Variants in EYA1 observed in about 807,000 individuals in gnomAD.
EYA1 encodes protein phosphatase EYA1.
A neutral mutation model predicts 82.0 loss-of-function variants in EYA1; 16 were observed. The observed-to-expected ratio is 0.20, with a 90% CI of 0.13 to 0.30. The LOEUF is 0.30. EYA1 is among the 10% of genes least tolerant of loss of function. The probability of loss-of-function intolerance (pLI) is 1.00; values close to 1 mark genes in which losing one functional copy is unlikely to be tolerated. For synonymous variants in EYA1, 261 were observed against 264.4 expected (o/e 0.99, Z 0.12); for missense variants, 633 against 730.7 (o/e 0.87, Z 1.54).
intron 9 of EYA1, among the ~76,000 whole-genome samples, chr8:71,290,818 A>G (rs11991890): frequency 0.017 from 2,586 of 152,252 alleles, 67 homozygotes; most frequent in African/African-American, 0.057. Flanking sequence ...AAAGAAAGAA[A>G]GAAAGAAAAC....
intron 2 of EYA1, among the ~76,000 whole-genome samples, chr8:71,472,788 G>GAGAGAT (rs71555582): frequency 1.0e-3 from 130 of 126,828 alleles, no homozygotes; most frequent in Non-Finnish European, 1.8e-3. Context: ...TAGCTTTGAA[G>GAGAGAT]ATATATATAT....
chr8:71,396,380 T>G (rs1054253863), intron 2 of EYA1, among the ~76,000 whole-genome samples: 12 of 152,214 alleles, frequency 7.9e-5, no homozygotes, highest in Admixed American at 5.9e-4. Flanking sequence ...TTAATTGTGA[T>G]TTTAGGTTGT....
In EYA1 at chr8:71,330,217, A is replaced by G. The variant is rs546760824; in HGVS notation, c.202+3880T>C. 1.9e-3 allele frequency among the ~76,000 whole-genome samples: 292 copies of G among 152,148 alleles called. 2 individuals are homozygous for G. Among genetic ancestry groups the G allele is most frequent in the African/African-American group, 6.7e-3 (278 of 41,494 alleles). On this transcript the variant is annotated intron_variant, in intron 4 of 17. Transcript: ENST00000340726. ...GGTCTGAACTGAAGAATCGGATAGG[A>G]ACTCCCTCAACATACTGCCACCTCA...
intron 9 of EYA1, among the ~76,000 whole-genome samples, chr8:71,286,432 T>C (rs542978731): frequency 1.1e-4 from 17 of 152,334 alleles, no homozygotes; most frequent in African/African-American, 4.1e-4. Flanking sequence ...AGGGTAAAAC[T>C]GAAAATATCT....
intron 17 of EYA1, among the ~76,000 whole-genome samples, chr8:71,205,761 T>C (rs1427605057): frequency 1.3e-5 from 2 of 152,152 alleles, no homozygotes; most frequent in Non-Finnish European, 2.9e-5. Flanking sequence ...TTTGTTTCTG[T>C]GATTTAAAAA....
At chr8:71,453,495 A>C (rs914873932) in intron 2 of EYA1, among the ~76,000 whole-genome samples, 1 of 152,334 alleles carries the variant, frequency 6.6e-6, no homozygotes, top group Non-Finnish European at 1.5e-5. Context: ...GAAATGAAGG[A>C]AAAAATGTTA....
Position 71,233,292 on chromosome 8 carries a change from C to T in EYA1, c.1140+11311G>A, listed in dbSNP as rs183193528. Reference sequence around the variant, plus strand: ...GAAAGCCTTTGTTTTCTGCCGGGTGCGGTGGCTCATGCCTGTAATCCCAGC... The same window carrying T: ...GAAAGCCTTTGTTTTCTGCCGGGTGTGGTGGCTCATGCCTGTAATCCCAGC... On this transcript the variant is annotated intron_variant, in intron 12 of 17. Transcript: ENST00000340726. 3.2e-3 allele frequency among the ~76,000 whole-genome samples: 481 copies of T among 152,062 alleles called. 1 individual carries two copies. Among genetic ancestry groups the T allele is most frequent in the Admixed American group, 5.9e-3 (90 of 15,284 alleles).
chr8:71,446,355 C>T (rs986275888), intron 2 of EYA1, among the ~76,000 whole-genome samples: 6 of 151,998 alleles, frequency 3.9e-5, no homozygotes, highest in African/African-American at 1.2e-4. Context: ...TTTGACAGTT[C>T]CGCCTTCACA....
chr8:71,365,470 A>G (rs1469185385), upstream of EYA1, among the ~76,000 whole-genome samples: 2 of 152,170 alleles, frequency 1.3e-5, no homozygotes, highest in Non-Finnish European at 2.9e-5. Flanking sequence ...AGACTAATGC[A>G]TTTTCTTAAA....
intron 9 of EYA1, among the ~76,000 whole-genome samples, chr8:71,275,582 G>A (rs1171259192): frequency 6.6e-6 from 1 of 152,188 alleles, no homozygotes; most frequent in Non-Finnish European, 1.5e-5. Flanking sequence ...AAAGACAGGT[G>A]AGGTTTGAAG....
chr8:71,532,553 C>A (rs1479460413), intron 2 of EYA1, among the ~76,000 whole-genome samples: 1 of 152,140 alleles, frequency 6.6e-6, no homozygotes, highest in Non-Finnish European at 1.5e-5. Flanking sequence ...CTAATAATAG[C>A]ACATGTTGAG....
intron 3 of EYA1, among the ~76,000 whole-genome samples, chr8:71,336,285 T>C (rs1209189835): frequency 2.0e-5 from 3 of 152,120 alleles, no homozygotes; most frequent in Non-Finnish European, 4.4e-5. Context: ...GGGGATAGAG[T>C]GGAAAGCGAA....
intron 2 of EYA1, among the ~76,000 whole-genome samples, chr8:71,420,532 C>A (rs1341604478): frequency 2.0e-5 from 3 of 152,118 alleles, no homozygotes; most frequent in Non-Finnish European, 4.4e-5. Flanking sequence ...TTATCTATTA[C>A]TAAAATGAAC....
intron 12 of EYA1, among the ~76,000 whole-genome samples, chr8:71,241,324 T>A (rs1437498471): frequency 8.5e-5 from 13 of 152,218 alleles, no homozygotes. Flanking sequence ...ATGAATTAAC[T>A]TAGTTCTTAG....
At chr8:71,314,659 A>G (rs574264211) in intron 7 of EYA1, among the ~76,000 whole-genome samples, 9 of 152,148 alleles carry the variant, frequency 5.9e-5, no homozygotes, top group Non-Finnish European at 1.3e-4. Flanking sequence ...ATTTTGAATC[A>G]TTTTGGATTT....
chr8:71,388,549 A>G (rs568936081), intron 2 of EYA1, among the ~76,000 whole-genome samples: 112 of 152,312 alleles, frequency 7.4e-4, no homozygotes, highest in African/African-American at 2.6e-3. Flanking sequence ...CCTTTCTGGA[A>G]CTATGACTCT....
intron 16 of EYA1, among the ~76,000 whole-genome samples, chr8:71,213,811 G>A (rs1052957947): frequency 2.6e-5 from 4 of 152,142 alleles, no homozygotes; most frequent in African/African-American, 9.7e-5. Flanking sequence ...ATTGACGCAC[G>A]TGCCTAAAAG....
At chr8:71,274,181 AAGAT>A (rs1362123991) in intron 9 of EYA1, among the ~76,000 whole-genome samples, 4 of 152,178 alleles carry the variant, frequency 2.6e-5, no homozygotes, top group Non-Finnish European at 5.9e-5. Context: ...AAACCCCTAA[AAGAT>A]AGACAACCTG....
intron 11 of EYA1, among the ~76,000 whole-genome samples, chr8:71,264,415 C>T (rs1815520039): frequency 1.3e-5 from 2 of 152,110 alleles, no homozygotes; most frequent in African/African-American, 4.8e-5. Context: ...TATCTAAACT[C>T]ACTATGACAA....
Sources: gnomAD v4.1 joint callset for allele counts (sites outside exome capture counted in the v4.1 genomes callset) on GRCh38, gnomAD v4.1.1 for gene constraint, MANE v1.5 for transcripts, NCBI Gene and HGNC (gene_info 2026-07-23, HGNC 2026-07-21) for gene names.